TSHZ2: variants seen among roughly 807,000 people sequenced by gnomAD.
The protein encoded by TSHZ2 is teashirt zinc finger homeobox 2, also known as teashirt homolog 2.
In TSHZ2, 21 loss-of-function variants were observed where a neutral mutation model predicts 74.4. The ratio of observed to expected loss-of-function variants is 0.28; its 90% CI spans 0.20 to 0.41. The LOEUF (loss-of-function observed/expected upper bound fraction) is 0.41, where lower values mean the gene tolerates loss of function less well. Ranked by LOEUF, TSHZ2 falls within the 10% of genes least tolerant of loss-of-function variation. The probability of loss-of-function intolerance (pLI) is 1.00; values close to 1 mark genes in which losing one functional copy is unlikely to be tolerated. For synonymous variants in TSHZ2, 540 were observed against 515.3 expected (o/e 1.05, Z -0.65); for missense variants, 1,244 against 1,293.5 (o/e 0.96, Z 0.59).
In TSHZ2 at chr20:53,089,546, G is replaced by T. The variant is rs115823566; in HGVS notation, c.40+116213G>T. 5.8e-3 allele frequency among the ~76,000 whole-genome samples: 883 copies of T among 152,230 alleles called. 9 individuals carry two copies. Among genetic ancestry groups the T allele is most frequent in the African/African-American group, 0.02 (825 of 41,544 alleles). On this transcript the variant is annotated intron_variant, in intron 1 of 2. Transcript: ENST00000371497. The stretch of plus-strand genomic sequence containing the variant: ...TGTACTTGGCATTTGGGATAACATA[G>T]TGACTGAGAAAAGATTTGCCCTTGA...
intron 2 of TSHZ2, among the ~76,000 whole-genome samples, chr20:53,336,479 G>A (rs1275035956): frequency 1.3e-5 from 2 of 152,188 alleles, no homozygotes; most frequent in Non-Finnish European, 2.9e-5. Flanking sequence ...AGAATGCCCT[G>A]AATTCATTGT....
At chr20:53,113,301 CT>C (rs1400600504) in intron 1 of TSHZ2, among the ~76,000 whole-genome samples, 2 of 152,086 alleles carry the variant, frequency 1.3e-5, no homozygotes, top group African/African-American at 4.8e-5. Flanking sequence ...CTCCTTTTTT[CT>C]TCTCTTTCTT....
intron 2 of TSHZ2, among the ~76,000 whole-genome samples, chr20:53,474,237 A>C (rs543192165): frequency 1.2e-4 from 18 of 146,680 alleles, no homozygotes; most frequent in African/African-American, 4.6e-4. Flanking sequence ...GAAGGAAAAA[A>C]TGTTAAGGGC....
At chr20:53,113,848 A>C (rs1254264770) in intron 1 of TSHZ2, among the ~76,000 whole-genome samples, 1 of 152,170 alleles carries the variant, frequency 6.6e-6, no homozygotes, top group Non-Finnish European at 1.5e-5. Context: ...TCTGAACTCC[A>C]TAATGGGATC....
intron 2 of TSHZ2, among the ~76,000 whole-genome samples, chr20:53,280,695 T>G (rs1241090290): frequency 6.8e-6 from 1 of 146,866 alleles, no homozygotes; most frequent in Non-Finnish European, 1.5e-5. Flanking sequence ...GTGTGGGGGT[T>G]TTTTTGTGTG....
intron 2 of TSHZ2, among the ~76,000 whole-genome samples, chr20:53,422,402 T>C (rs543358054): frequency 1.8e-4 from 27 of 152,236 alleles, no homozygotes; most frequent in African/African-American, 6.5e-4. Context: ...ATGATTCTTA[T>C]CAGATCCATG....
intron 1 of TSHZ2, chr20:53,178,550 G>A (rs1048529241): frequency 1.3e-5 from 2 of 152,086 alleles, no homozygotes; most frequent in Admixed American, 1.3e-4. Flanking sequence ...AGTGAGAGGT[G>A]GAGAAGGAAC....
At chr20:53,265,126 G>A (rs1568843143) in intron 2 of TSHZ2, among the ~76,000 whole-genome samples, 1 of 152,050 alleles carries the variant, frequency 6.6e-6, no homozygotes. Flanking sequence ...AAAGAGGCCA[G>A]GGCCAGAGCG....
At chr20:53,187,637 T>A (rs1988631427) in intron 1 of TSHZ2, among the ~76,000 whole-genome samples, 1 of 151,976 alleles carries the variant, frequency 6.6e-6, no homozygotes, top group Admixed American at 6.6e-5. Context: ...AGGGCCTGTG[T>A]AAATCTGAAA....
intron 2 of TSHZ2, chr20:53,398,526 A>C (rs1368790353): frequency 6.6e-6 from 1 of 152,252 alleles, no homozygotes; most frequent in Non-Finnish European, 1.5e-5. Context: ...TGAAGTGGGC[A>C]GATTGCTTGA....
At chr20:53,097,011 AC>A (rs1986074615) in intron 1 of TSHZ2, among the ~76,000 whole-genome samples, 1 of 152,192 alleles carries the variant, frequency 6.6e-6, no homozygotes, top group Admixed American at 6.5e-5. Context: ...TTGGGGGCAG[AC>A]AATTCTCTAT....
rs1983278774 is a variant in TSHZ2, at chr20:53,022,434, C to A, written c.40+49101C>A. ...GCTTCCCATGCCACGTTTTACTGGA[C>A]CGTCTATCAATATTTGATCAAATTG... is the stretch of plus-strand genomic sequence containing the variant. On this transcript the variant is annotated intron_variant, in intron 1 of 2. Transcript: ENST00000371497. Among the ~76,000 whole-genome samples, 4 of 152,174 alleles carry A rather than the reference C, an allele frequency of 2.6e-5. No individual in the cohort carries two copies. In the South Asian group the frequency reaches 8.3e-4, roughly 32 times the overall value.
intron 2 of TSHZ2, among the ~76,000 whole-genome samples, chr20:53,298,962 T>G (rs1305360645): frequency 6.6e-6 from 1 of 152,226 alleles, no homozygotes; most frequent in East Asian, 1.9e-4. Flanking sequence ...CCAAAAGGGC[T>G]TGTGGGAGTT....
At chr20:53,370,382 G>A (rs555226114) in intron 2 of TSHZ2, among the ~76,000 whole-genome samples, 13 of 152,204 alleles carry the variant, frequency 8.5e-5, no homozygotes, top group Admixed American at 3.3e-4. Context: ...TACCATCTCC[G>A]CCTCAAATTT....
At chr20:53,389,472 G>A (rs139082833) in intron 2 of TSHZ2, among the ~76,000 whole-genome samples, 13 of 152,356 alleles carry the variant, frequency 8.5e-5, no homozygotes, top group Non-Finnish European at 1.3e-4. Context: ...CTTCATTGAG[G>A]TGGTGATTTT....
chr20:52,984,516 G>A (rs1387814401), intron 1 of TSHZ2, among the ~76,000 whole-genome samples: 1 of 152,186 alleles, frequency 6.6e-6, no homozygotes, highest in Non-Finnish European at 1.5e-5. Flanking sequence ...CGGGGCTAGA[G>A]CTACTGGGAG....
chr20:53,022,422 C>T (rs1224707432), intron 1 of TSHZ2, among the ~76,000 whole-genome samples: 2 of 152,144 alleles, frequency 1.3e-5, no homozygotes, highest in Non-Finnish European at 2.9e-5. Context: ...TCCCATGCCA[C>T]GTTTTACTGG....
intron 2 of TSHZ2, among the ~76,000 whole-genome samples, chr20:53,472,914 G>A (rs117681635): frequency 0.016 from 2,445 of 152,198 alleles, 36 homozygotes; most frequent in Non-Finnish European, 0.023. Context: ...CCTGGAAATC[G>A]GGTCACTCTC....
chr20:53,103,605 CAG>C (rs1247180397), intron 1 of TSHZ2, among the ~76,000 whole-genome samples: 14 of 152,146 alleles, frequency 9.2e-5, no homozygotes, highest in Admixed American at 3.9e-4. Flanking sequence ...TTTTTAATAA[CAG>C]AGAAAAATCA....
Sources: gnomAD v4.1 joint callset for allele counts (sites outside exome capture counted in the v4.1 genomes callset) on GRCh38, gnomAD v4.1.1 for gene constraint, MANE v1.5 for transcripts, NCBI Gene and HGNC (gene_info 2026-07-23, HGNC 2026-07-21) for gene names.